GSTCD: variants seen among roughly 807,000 people sequenced by gnomAD.
The protein encoded by GSTCD is glutathione S-transferase C-terminal domain-containing protein.
A neutral mutation model predicts 68.3 loss-of-function variants in GSTCD; 44 were observed. The observed-to-expected ratio is 0.64, with a 90% confidence interval of 0.51 to 0.83. The LOEUF (loss-of-function observed/expected upper bound fraction) is 0.83. GSTCD is among the 40% of genes least tolerant of loss of function. GSTCD has a pLI of 0.00. For missense variants in GSTCD, 739 were observed against 735.9 expected (o/e 1.00, Z -0.05); for synonymous variants, 273 against 255.2 (o/e 1.07, Z -0.67).
intron 5 of GSTCD, among the ~76,000 whole-genome samples, chr4:105,766,246 A>G (rs1357993836): frequency 6.6e-6 from 1 of 152,172 alleles, no homozygotes; most frequent in Non-Finnish European, 1.5e-5. Flanking sequence ...CATGTGGCAA[A>G]AGCTGGAACC....
chr4:105,723,049 T>C (rs753469225), intron 3 of GSTCD, among the ~76,000 whole-genome samples: 2 of 151,956 alleles, frequency 1.3e-5, no homozygotes, highest in African/African-American at 2.4e-5. Flanking sequence ...ACATGAATTA[T>C]TGTTATTTAA....
intron 3 of GSTCD, among the ~76,000 whole-genome samples, chr4:105,722,880 A>G (rs1242278275): frequency 2.0e-5 from 3 of 151,660 alleles, no homozygotes; most frequent in Non-Finnish European, 4.4e-5. Context: ...TTTAATTTTC[A>G]TTTCACAGAG....
chr4:105,810,438 C>G (rs751268262), intron 5 of GSTCD, among the ~76,000 whole-genome samples: 3 of 152,086 alleles, frequency 2.0e-5, no homozygotes, highest in Non-Finnish European at 4.4e-5. Flanking sequence ...GCTACCATGT[C>G]TGTGTCTCTA....
intron 5 of GSTCD, among the ~76,000 whole-genome samples, chr4:105,790,779 T>C (rs1456524963): frequency 6.6e-6 from 1 of 152,020 alleles, no homozygotes; most frequent in Admixed American, 6.5e-5. Context: ...CAATTTGTGA[T>C]TTGAGGAAAG....
chr4:105,732,596 T>C (rs1275229763), intron 5 of GSTCD, among the ~76,000 whole-genome samples: 1 of 152,158 alleles, frequency 6.6e-6, no homozygotes, highest in Admixed American at 6.5e-5. Context: ...TCTTTATTAG[T>C]CTTGCCAGCA....
intron 5 of GSTCD, among the ~76,000 whole-genome samples, chr4:105,731,287 T>G (rs1485727482): frequency 1.3e-5 from 2 of 152,212 alleles, no homozygotes; most frequent in Admixed American, 6.5e-5. Flanking sequence ...GGTAGCTTGA[T>G]GAGGATGACA....
chr4:105,828,764 T>C (rs1258069815), intron 8 of GSTCD, among the ~76,000 whole-genome samples: 1 of 152,034 alleles, frequency 6.6e-6, no homozygotes, highest in East Asian at 1.9e-4. Context: ...CCAGAAAAGT[T>C]TGGGAATTCA....
rs187681248 is a variant in GSTCD, at chr4:105,827,606, G to C, written c.1530+1806G>C. Among the ~76,000 whole-genome samples, 108 of 152,202 alleles carry C rather than the reference G, an allele frequency of 7.1e-4. 4 individuals are homozygous for C. In the East Asian group the frequency reaches 0.018, roughly 26 times the overall value. On this transcript the variant is annotated intron_variant, in intron 8 of 11. Transcript: ENST00000515279. ...TAGGTAAATTAGACTAAATGCATCA[G>C]AGGTTCTAACTCCTGTGTTAAATGT...
intron 1 of GSTCD, 95 bp downstream of exon 1, chr4:105,709,111 G>T (rs1732423175): frequency 6.6e-6 from 1 of 152,374 alleles, no homozygotes; most frequent in Non-Finnish European, 1.5e-5. Flanking sequence ...AGGATGCGGG[G>T]GAAGGGTGGG....
intron 5 of GSTCD, among the ~76,000 whole-genome samples, chr4:105,756,067 G>T (rs916854146): frequency 2.0e-5 from 3 of 152,164 alleles, no homozygotes; most frequent in Non-Finnish European, 4.4e-5. Context: ...ATTAATAAAA[G>T]ATGTAATAAA....
At chr4:105,725,464 G>C (rs1733000188) in intron 3 of GSTCD, among the ~76,000 whole-genome samples, 1 of 152,110 alleles carries the variant, frequency 6.6e-6, no homozygotes, top group African/African-American at 2.4e-5. Context: ...CAGTAAATGA[G>C]AGTTCCTGTT....
chr4:105,738,357 C>G (rs1287397165), intron 5 of GSTCD, among the ~76,000 whole-genome samples: 1 of 152,116 alleles, frequency 6.6e-6, no homozygotes, highest in Non-Finnish European at 1.5e-5. Flanking sequence ...CTCAGGATTG[C>G]TTTGGCTGTT....
At chr4:105,712,070 A>T (rs576683322) in intron 1 of GSTCD, among the ~76,000 whole-genome samples, 1 of 152,252 alleles carries the variant, frequency 6.6e-6, no homozygotes. Flanking sequence ...TACCAAGACT[A>T]AAGTTATTAA....
chr4:105,809,548 T>C (rs1578494029), intron 5 of GSTCD, among the ~76,000 whole-genome samples: 2 of 152,256 alleles, frequency 1.3e-5, no homozygotes, highest in East Asian at 3.9e-4. Flanking sequence ...AATTTTTCTT[T>C]TTAACCCCTA....
intron 5 of GSTCD, among the ~76,000 whole-genome samples, chr4:105,803,024 A>G (rs1239539308): frequency 6.6e-6 from 1 of 152,050 alleles, no homozygotes; most frequent in African/African-American, 2.4e-5. Context: ...AGTACTATTT[A>G]TTTCTCACAA....
At chr4:105,760,558 C>T (rs1734367359) in intron 5 of GSTCD, among the ~76,000 whole-genome samples, 1 of 152,004 alleles carries the variant, frequency 6.6e-6, no homozygotes. Context: ...CTGTGAAAGG[C>T]CAGAAAGGAG....
At chr4:105,808,888 G>T (rs1027100043) in intron 5 of GSTCD, among the ~76,000 whole-genome samples, 2 of 152,022 alleles carry the variant, frequency 1.3e-5, no homozygotes, top group Non-Finnish European at 2.9e-5. Context: ...TAGCCTGATG[G>T]TCACTTAGTA....
intron 5 of GSTCD, among the ~76,000 whole-genome samples, chr4:105,797,760 CTTTTTTTTTTTTTT>C (rs70941218): frequency 2.1e-4 from 18 of 84,946 alleles, no homozygotes; most frequent in Admixed American, 4.0e-4. Flanking sequence ...CACAATAGAA[CTTTTTTTTTTTTTT>C]TTTTTTTTTT....
chr4:105,755,334 T>G (rs1734149164), intron 5 of GSTCD, among the ~76,000 whole-genome samples: 2 of 146,982 alleles, frequency 1.4e-5, no homozygotes, highest in Admixed American at 6.8e-5. Context: ...GGGAGAGAGG[T>G]AGGGAGGTAA....
Sources: gnomAD v4.1 joint callset for allele counts (sites outside exome capture counted in the v4.1 genomes callset) on GRCh38, gnomAD v4.1.1 for gene constraint, MANE v1.5 for transcripts, NCBI Gene and HGNC (gene_info 2026-07-23, HGNC 2026-07-21) for gene names.